PPM1D: variants seen among roughly 807,000 people sequenced by gnomAD.
The protein encoded by PPM1D is protein phosphatase 1D.
A neutral mutation model predicts 58.3 loss-of-function variants in PPM1D; 52 were observed. The ratio of observed to expected loss-of-function variants is 0.89; its 90% confidence interval spans 0.71 to 1.12. PPM1D has a LOEUF of 1.12. Ranked by LOEUF, PPM1D falls within the 50% of genes most tolerant of loss-of-function variation. The pLI is 0.00. For synonymous variants in PPM1D, 278 were observed against 285.1 expected (o/e 0.98, Z 0.25); for missense variants, 564 against 777.2 (o/e 0.73, Z 3.26).
At chr17:60,661,850 T>C (rs899618639) in intron 5 of PPM1D, among the ~76,000 whole-genome samples, 1 of 152,302 alleles carries the variant, frequency 6.6e-6, no homozygotes, top group African/African-American at 2.4e-5. Flanking sequence ...CTTTCCACAC[T>C]ACATACTCAG....
At chr17:60,615,884 G>A (rs9902516) in intron 1 of PPM1D, among the ~76,000 whole-genome samples, 20,485 of 151,850 alleles carry the variant, frequency 0.13, 4,148 homozygotes, top group African/African-American at 0.44. Context: ...AGCTATTCAC[G>A]GGTTCAATCA....
chr17:60,648,556 T>A (rs567252952), intron 4 of PPM1D, among the ~76,000 whole-genome samples: 29 of 151,912 alleles, frequency 1.9e-4, no homozygotes, highest in Admixed American at 1.7e-3. Context: ...GGCTAATTTT[T>A]GTATTTTTAG....
chr17:60,663,341 G>A lies in PPM1D; in HGVS notation c.1607G>A (p.Arg536Lys), dbSNP rs746727129. 8.1e-5 allele frequency: 131 copies of A among 1,614,028 alleles called. No homozygotes were observed. The highest frequency in any genetic ancestry group is 3.7e-4 in the Admixed American group (22 of 59,984). The change falls in exon 6 of 6, where the codon AGG becomes AAG. Residue 536 changes from arginine (R) to lysine (K), a missense_variant. Physicochemically the swap from Arg to Lys is conservative, Grantham distance 26. Coordinates refer to ENST00000305921, the MANE Select transcript of PPM1D (RefSeq NM_003620.4). ...AGAACCCCTCCAACAAACTTTAAAA[G>A]GACATTAGAAGAGTCCAATTCTGGC... ...IERTPPTNFK[R>K]TLEESNSGPL...
chr17:60,632,493 G>A (rs2030942250), intron 2 of PPM1D, among the ~76,000 whole-genome samples: 1 of 152,096 alleles, frequency 6.6e-6, no homozygotes, highest in Non-Finnish European at 1.5e-5. Context: ...CAGCCCAGGA[G>A]GAAGTCAAGC....
intron 1 of PPM1D, among the ~76,000 whole-genome samples, chr17:60,606,745 T>G (rs1016288626): frequency 6.6e-6 from 1 of 152,136 alleles, no homozygotes; most frequent in African/African-American, 2.4e-5. Context: ...ATTTTTGTCT[T>G]GAGGTAGGGA....
At position 60,664,540 on chromosome 17, in the gene PPM1D, T is replaced by C. The variant is rs1381951128; in HGVS notation, c.*988T>C. Reference sequence around the variant, plus strand: ...GTATGTACAAGTTGAGTATCCCTTATCCAAAATGCTTGGGACCAGAAGTGT... The same window carrying C: ...GTATGTACAAGTTGAGTATCCCTTACCCAAAATGCTTGGGACCAGAAGTGT... On this transcript the variant is annotated 3_prime_UTR_variant, in exon 6 of 6. Transcript: ENST00000305921. 1 of 152,538 alleles carries C rather than the reference T, an allele frequency of 6.6e-6. No individual in the cohort carries two copies. Among genetic ancestry groups the C allele is most frequent in the Non-Finnish European group, 1.5e-5 (1 of 68,038 alleles). 9.4% of individuals were successfully genotyped at this position (152,538 alleles called of 1,614,324 possible). A position where few individuals can be genotyped will look rare whatever the true frequency, so the allele number is the denominator to read the frequency against.
chr17:60,624,737 G>T (rs1024969399), intron 2 of PPM1D, among the ~76,000 whole-genome samples: 20 of 152,178 alleles, frequency 1.3e-4, no homozygotes, highest in Non-Finnish European at 4.4e-5. Flanking sequence ...GGTGAGCTGA[G>T]ATTGCACCAT....
chr17:60,663,644 A>C lies in PPM1D; in HGVS notation c.*92A>C. 1 of 1,288,368 alleles carries C rather than the reference A, an allele frequency of 7.8e-7. No homozygotes were observed. 79.8% of individuals were successfully genotyped at this position (1,288,368 alleles called of 1,614,324 possible). A position where few individuals can be genotyped will look rare whatever the true frequency, so the allele number is the denominator to read the frequency against. Reference sequence around the variant, plus strand: ...ATGTTGAACTTTTTTTAAGGGGAGAAAATTAAAAGAAATATACAGTTTGAC... The same window carrying C: ...ATGTTGAACTTTTTTTAAGGGGAGACAATTAAAAGAAATATACAGTTTGAC... On this transcript the variant is annotated 3_prime_UTR_variant, in exon 6 of 6. Coordinates refer to ENST00000305921, the MANE Select transcript of PPM1D (RefSeq NM_003620.4).
intron 1 of PPM1D, among the ~76,000 whole-genome samples, chr17:60,614,071 G>A (rs935609548): frequency 5.3e-5 from 8 of 152,222 alleles, no homozygotes; most frequent in African/African-American, 1.2e-4. Context: ...GCCCCGGTGC[G>A]GGATCCACTG....
intron 4 of PPM1D, among the ~76,000 whole-genome samples, chr17:60,652,882 A>G (rs981253296): frequency 1.3e-5 from 2 of 151,966 alleles, no homozygotes; most frequent in African/African-American, 4.8e-5. Flanking sequence ...TTTTGTTGCT[A>G]CTGATTTGAG....
intron 3 of PPM1D, among the ~76,000 whole-genome samples, chr17:60,641,266 T>C (rs560815932): frequency 4.5e-4 from 69 of 152,316 alleles, no homozygotes; most frequent in African/African-American, 1.3e-3. Context: ...TTGTCATTTA[T>C]TGGCTTTTTA....
intron 4 of PPM1D, among the ~76,000 whole-genome samples, chr17:60,649,588 C>T (rs1260485252): frequency 6.6e-6 from 1 of 151,936 alleles, no homozygotes; most frequent in Non-Finnish European, 1.5e-5. Flanking sequence ...ACTTAGGAGG[C>T]TGAGGCAGGA....
intron 1 of PPM1D, among the ~76,000 whole-genome samples, chr17:60,605,053 CTCAAGTGA>C (rs2030301373): frequency 6.6e-6 from 1 of 152,300 alleles, no homozygotes; most frequent in East Asian, 1.9e-4. Context: ...AACTCTTGAC[CTCAAGTGA>C]TCCATCTGCC....
intron 1 of PPM1D, among the ~76,000 whole-genome samples, chr17:60,610,235 G>A (rs1403635836): frequency 1.3e-5 from 2 of 151,998 alleles, no homozygotes; most frequent in East Asian, 3.9e-4. Flanking sequence ...GTGTATATAG[G>A]ATTTGGTACT....
chr17:60,650,134 A>G (rs2031316733), intron 4 of PPM1D, among the ~76,000 whole-genome samples: 1 of 152,256 alleles, frequency 6.6e-6, no homozygotes, highest in Non-Finnish European at 1.5e-5. Context: ...GAGACCTGGA[A>G]GAGTGAGACG....
chr17:60,606,123 T>C (rs1309291809), intron 1 of PPM1D, among the ~76,000 whole-genome samples: 1 of 152,230 alleles, frequency 6.6e-6, no homozygotes, highest in Non-Finnish European at 1.5e-5. Context: ...TGCTATGAAT[T>C]TGACTATTCC....
At chr17:60,635,217 G>A (rs1198838306) in intron 3 of PPM1D, among the ~76,000 whole-genome samples, 1 of 151,644 alleles carries the variant, frequency 6.6e-6, no homozygotes, top group Non-Finnish European at 1.5e-5. Context: ...TACACATATG[G>A]GTTGTTTTTT....
At chr17:60,629,034 C>G (rs1315911646) in intron 2 of PPM1D, among the ~76,000 whole-genome samples, 1 of 152,142 alleles carries the variant, frequency 6.6e-6, no homozygotes, top group African/African-American at 2.4e-5. Context: ...AGCAGGGTGA[C>G]CAGGCTTAAG....
At chr17:60,633,175 C>T (rs1484081658) in intron 2 of PPM1D, among the ~76,000 whole-genome samples, 3 of 151,946 alleles carry the variant, frequency 2.0e-5, no homozygotes, top group Non-Finnish European at 4.4e-5. Flanking sequence ...ATCCAAGCTA[C>T]TCGGGAGGCT....
Sources: gnomAD v4.1 joint callset for allele counts (sites outside exome capture counted in the v4.1 genomes callset) on GRCh38, gnomAD v4.1.1 for gene constraint, MANE v1.5 for transcripts, NCBI Gene and HGNC (gene_info 2026-07-23, HGNC 2026-07-21) for gene names.